Variants in SCARA3 observed in about 807,000 individuals in gnomAD.
SCARA3 encodes cellular stress response gene protein.
SCARA3 carries 39 observed loss-of-function variants against 47.0 expected under a neutral mutation model. The observed-to-expected ratio is 0.83, with a 90% CI of 0.64 to 1.08. The LOEUF (loss-of-function observed/expected upper bound fraction) is 1.08. Ranked by LOEUF, SCARA3 falls within the 50% of genes least tolerant of loss-of-function variation. The pLI is 0.00. For missense variants in SCARA3, 724 were observed against 792.3 expected, an observed-to-expected ratio of 0.91 and a Z score of 1.04; for synonymous variants, 356 against 334.1, an observed-to-expected ratio of 1.07 and a Z score of -0.71.
chr8:27,670,632 C>G (rs907303225), intron 5 of SCARA3, among the ~76,000 whole-genome samples: 1 of 152,178 alleles, frequency 6.6e-6, no homozygotes, highest in South Asian at 2.1e-4. Flanking sequence ...GACAGGCAAT[C>G]CTGGACAACC....
At chr8:27,707,029 C>T in the SCARA3 span, among the ~76,000 whole-genome samples, 38,347 of 151,938 alleles carry the variant, frequency 0.25, 5,062 homozygotes, top group East Asian at 0.41. Flanking sequence ...AGAAAAAGAA[C>T]AGAAGAGGTC....
the SCARA3 span, among the ~76,000 whole-genome samples, chr8:27,713,824 G>C: frequency 4.3e-4 from 66 of 152,210 alleles, no homozygotes; most frequent in Non-Finnish European, 8.5e-4. Flanking sequence ...GGATGTGACA[G>C]AGTTTGGATA....
At chr8:27,669,326 A>G (rs1285767279) in intron 5 of SCARA3, among the ~76,000 whole-genome samples, 1 of 152,208 alleles carries the variant, frequency 6.6e-6, no homozygotes, top group Non-Finnish European at 1.5e-5. Flanking sequence ...CCGCCTCTGT[A>G]TGGCTCTCTG....
At chr8:27,724,789 G>A in the SCARA3 span, among the ~76,000 whole-genome samples, 1 of 152,140 alleles carries the variant, frequency 6.6e-6, no homozygotes, top group African/African-American at 2.4e-5. Context: ...ATTTTGGGGG[G>A]TGACAATATA....
the SCARA3 span, among the ~76,000 whole-genome samples, chr8:27,708,502 A>G: frequency 6.6e-6 from 1 of 152,192 alleles, no homozygotes; most frequent in African/African-American, 2.4e-5. Context: ...TCGTAACTCT[A>G]TCATAACAAA....
the SCARA3 span, among the ~76,000 whole-genome samples, chr8:27,723,474 G>C: frequency 5.3e-5 from 8 of 152,076 alleles, no homozygotes; most frequent in Non-Finnish European, 2.9e-5. Flanking sequence ...TTCATCCTTA[G>C]AGTCTTAATC....
chr8:27,672,886 C>G lies in SCARA3; in HGVS notation c.*1535C>G. On this transcript the variant is annotated 3_prime_UTR_variant, in exon 6 of 6. Transcript: ENST00000301904. ...AGCCCTTCCCTGCTCAAAGCCTTTC[C>G]GCACCCTCCTGACTGTCCTGGATGT... 1.0e-6 allele frequency: 1 copy of G among 985,702 alleles called. No individual in the cohort carries two copies. The highest frequency in any genetic ancestry group is 1.7e-5 in the African/African-American group (1 of 57,364). 61.1% of individuals were successfully genotyped at this position (985,702 alleles called of 1,614,324 possible).
chr8:27,694,014 C>T, the SCARA3 span, among the ~76,000 whole-genome samples: 1 of 152,152 alleles, frequency 6.6e-6, no homozygotes, highest in African/African-American at 2.4e-5. Context: ...GTCATCAGGA[C>T]CTCCTGAGGC....
the SCARA3 span, among the ~76,000 whole-genome samples, chr8:27,730,168 C>T: frequency 6.6e-6 from 1 of 152,184 alleles, no homozygotes; most frequent in Non-Finnish European, 1.5e-5. Context: ...ACATGGAGCT[C>T]AGATTTTAAT....
chr8:27,732,387 T>C, the SCARA3 span, among the ~76,000 whole-genome samples: 2 of 152,240 alleles, frequency 1.3e-5, no homozygotes, highest in Non-Finnish European at 2.9e-5. Flanking sequence ...CAGAGACCAG[T>C]TTCTTGTTTC....
chr8:27,644,183 G>C (rs951101888), intron 1 of SCARA3, among the ~76,000 whole-genome samples: 3 of 152,180 alleles, frequency 2.0e-5, no homozygotes, highest in African/African-American at 7.2e-5. Flanking sequence ...ATTTCTAGTG[G>C]TCACCACTAT....
the SCARA3 span, among the ~76,000 whole-genome samples, chr8:27,723,261 T>C: frequency 6.6e-6 from 1 of 152,202 alleles, no homozygotes; most frequent in Non-Finnish European, 1.5e-5. Context: ...AGCTGATGCA[T>C]CCACAGCCCT....
the SCARA3 span, among the ~76,000 whole-genome samples, chr8:27,718,959 G>A: frequency 6.6e-6 from 1 of 151,984 alleles, no homozygotes; most frequent in African/African-American, 2.4e-5. Context: ...GTCTCAAGAC[G>A]TAAATAGAGG....
the SCARA3 span, among the ~76,000 whole-genome samples, chr8:27,729,212 T>A: frequency 1.3e-5 from 2 of 152,186 alleles, no homozygotes; most frequent in Non-Finnish European, 2.9e-5. Flanking sequence ...CTTTTTTCGG[T>A]CCTACCAAGT....
downstream of SCARA3, chr8:27,680,000 A>G (rs1206252751): frequency 6.6e-6 from 1 of 152,208 alleles, no homozygotes; most frequent in Non-Finnish European, 1.5e-5. Flanking sequence ...GAAAGAAAAA[A>G]AATCAGAGAA....
chr8:27,646,568 G>A (rs917454463), intron 1 of SCARA3, among the ~76,000 whole-genome samples: 6 of 152,154 alleles, frequency 3.9e-5, no homozygotes, highest in Non-Finnish European at 7.4e-5. Flanking sequence ...CGAGGAACCC[G>A]GCCAAGGAGG....
the SCARA3 span, chr8:27,733,667 G>A: frequency 6.6e-6 from 1 of 152,176 alleles, no homozygotes; most frequent in Admixed American, 6.5e-5. Context: ...AGGTCACTCA[G>A]TCACTCTAAT....
chr8:27,657,478 C>G (rs1801767260), intron 4 of SCARA3, among the ~76,000 whole-genome samples: 1 of 140,992 alleles, frequency 7.1e-6, no homozygotes, highest in Non-Finnish European at 1.5e-5. Context: ...CCCCTCCCTC[C>G]TCTCCCATCT....
rs774339491 is a variant in SCARA3 at position 27,651,605 on chromosome 8, C to T, written c.204C>T (p.Ala68=). 3.6e-5 allele frequency: 58 copies of T among 1,614,006 alleles called. No individual in the cohort carries two copies. The highest frequency in any genetic ancestry group is 4.2e-5 in the Non-Finnish European group (49 of 1,180,040). ...TCTTCCTGGCCCTGCTCCTGGTGGC[C>T]GTGGCTGTGTTGGCCTCTCTGGGTG... is the stretch of plus-strand genomic sequence containing the variant. ...LYLFLALLLV[A]VAVLASLVFR... Residue 68 remains alanine (A), a synonymous_variant, in exon 3 of 6, where the codon GCC becomes GCT. Transcript: ENST00000301904.
Sources: gnomAD v4.1 joint callset for allele counts (sites outside exome capture counted in the v4.1 genomes callset) on GRCh38, gnomAD v4.1.1 for gene constraint, MANE v1.5 for transcripts, NCBI Gene and HGNC (gene_info 2026-07-23, HGNC 2026-07-21) for gene names.